Variants in SLC16A12 observed in about 807,000 individuals in gnomAD.
The protein encoded by SLC16A12 is monocarboxylate transporter 12.
SLC16A12 carries 17 observed loss-of-function variants against 42.4 expected under a neutral mutation model. The ratio of observed to expected loss-of-function variants is 0.40; its 90% confidence interval spans 0.27 to 0.60. The LOEUF (loss-of-function observed/expected upper bound fraction) is 0.60, where lower values mean the gene tolerates loss of function less well. Among genes scored for constraint, SLC16A12 ranks in the 20% least tolerant of loss-of-function variants. SLC16A12 has a pLI of 0.42. For missense variants in SLC16A12, 544 were observed against 623.0 expected, an observed-to-expected ratio of 0.87 and a Z score of 1.35; for synonymous variants, 224 against 229.4, an observed-to-expected ratio of 0.98 and a Z score of 0.21.
At chr10:89,476,024 G>C (rs1842572454) in intron 2 of SLC16A12, among the ~76,000 whole-genome samples, 1 of 152,156 alleles carries the variant, frequency 6.6e-6, no homozygotes, top group African/African-American at 2.4e-5. Flanking sequence ...TGCAGTAATA[G>C]GGTTCTGGTA....
At chr10:89,550,528 A>T (rs1843764504) in intron 2 of SLC16A12, among the ~76,000 whole-genome samples, 1 of 152,190 alleles carries the variant, frequency 6.6e-6, no homozygotes, top group Non-Finnish European at 1.5e-5. Flanking sequence ...CAAAACAAAC[A>T]AACAACAACA....
chr10:89,536,945 C>G (rs2133879969), upstream of SLC16A12, among the ~76,000 whole-genome samples: 1 of 152,242 alleles, frequency 6.6e-6, no homozygotes, highest in Non-Finnish European at 1.5e-5. Flanking sequence ...TCAAACGATT[C>G]TCCTGCCTCA....
chr10:89,499,910 C>A (rs1842970649), intron 2 of SLC16A12, among the ~76,000 whole-genome samples: 1 of 151,970 alleles, frequency 6.6e-6, no homozygotes, highest in Non-Finnish European at 1.5e-5. Flanking sequence ...CTAAGATTAA[C>A]CAAGAAAAGA....
chr10:89,512,861 A>G (rs554456668), intron 2 of SLC16A12, among the ~76,000 whole-genome samples: 4 of 152,326 alleles, frequency 2.6e-5, no homozygotes, highest in Admixed American at 2.6e-4. Context: ...GCCAACCAGG[A>G]CGTGGAATTG....
At chr10:89,511,563 C>T (rs1021168228) in intron 2 of SLC16A12, among the ~76,000 whole-genome samples, 1 of 152,014 alleles carries the variant, frequency 6.6e-6, no homozygotes, top group African/African-American at 2.4e-5. Context: ...GTGAACATCA[C>T]ACACCAGGGC....
chr10:89,468,932 C>A (rs948321153), intron 2 of SLC16A12, among the ~76,000 whole-genome samples: 13 of 152,122 alleles, frequency 8.5e-5, no homozygotes, highest in African/African-American at 3.1e-4. Context: ...GAGTTTGAGA[C>A]CAGCCTGGCC....
chr10:89,491,444 C>T (rs906640890), intron 2 of SLC16A12, among the ~76,000 whole-genome samples: 1 of 151,334 alleles, frequency 6.6e-6, no homozygotes, highest in Non-Finnish European at 1.5e-5. Flanking sequence ...AACAAGTGCG[C>T]ATACCAAGTA....
intron 2 of SLC16A12, among the ~76,000 whole-genome samples, chr10:89,527,915 T>C (rs573102845): frequency 6.6e-6 from 1 of 152,306 alleles, no homozygotes; most frequent in African/African-American, 2.4e-5. Flanking sequence ...TCACCACATT[T>C]TCTCAAAAAC....
intron 2 of SLC16A12, among the ~76,000 whole-genome samples, chr10:89,530,158 T>C (rs937946702): frequency 2.0e-5 from 3 of 152,250 alleles, no homozygotes; most frequent in African/African-American, 7.2e-5. Flanking sequence ...CCAGATTTCC[T>C]GCTTCCATTT....
intron 2 of SLC16A12, among the ~76,000 whole-genome samples, chr10:89,464,120 T>C (rs748522312): frequency 5.8e-4 from 88 of 152,334 alleles, no homozygotes; most frequent in Non-Finnish European, 1.1e-3. Flanking sequence ...CAGGGAACCA[T>C]GGGCAGCCTG....
intron 6 of SLC16A12, among the ~76,000 whole-genome samples, chr10:89,436,876 G>GA (rs765014991): frequency 4.0e-4 from 50 of 125,354 alleles, no homozygotes; most frequent in African/African-American, 1.6e-3. Flanking sequence ...GAAAAAGAAA[G>GA]AAAGAAAGAA....
chr10:89,445,654 A>C (rs1276599283), intron 3 of SLC16A12, among the ~76,000 whole-genome samples: 1 of 152,250 alleles, frequency 6.6e-6, no homozygotes, highest in African/African-American at 2.4e-5. Flanking sequence ...GGGAGAAACC[A>C]GAGCAGAAAA....
rs1399381020 is a variant in SLC16A12, at chr10:89,436,253, G to C, written c.1095C>G (p.Leu365=). The C allele has an allele frequency of 6.2e-7, 1 of 1,614,008 alleles. No homozygotes were observed. The highest frequency in any genetic ancestry group is 1.3e-5 in the African/African-American group (1 of 74,920). ...FAVGMDGLCY[L]CLPMLQSLPL... ...GGAGACTTTGAAGCATTGGGAGGCA[G>C]AGATAGCAGAGCCCATCCATTCCCA... is the stretch of plus-strand genomic sequence containing the variant. The change falls in exon 7 of 8, where the codon CTC becomes CTG. Residue 365 remains leucine (L), a synonymous_variant. Coordinates refer to ENST00000371790, the MANE Select transcript of SLC16A12 (RefSeq NM_213606.4).
chr10:89,466,081 T>A (rs559119135), intron 2 of SLC16A12, among the ~76,000 whole-genome samples: 1 of 152,200 alleles, frequency 6.6e-6, no homozygotes, highest in Non-Finnish European at 1.5e-5. Context: ...TTAAGAGTTA[T>A]ATGAATTCAA....
chr10:89,513,708 TCAGAG>T (rs1843199895), intron 2 of SLC16A12, among the ~76,000 whole-genome samples: 1 of 152,054 alleles, frequency 6.6e-6, no homozygotes, highest in Admixed American at 6.6e-5. Flanking sequence ...CACTGAGAAA[TCAGAG>T]ACCAGTAGAA....
chr10:89,554,033 GAAGAAAGAAAGAAAGAAAGAAAGAAAGA>G (rs1295802200), intron 2 of SLC16A12, among the ~76,000 whole-genome samples: 45 of 67,596 alleles, frequency 6.7e-4, no homozygotes, highest in East Asian at 4.0e-3. Context: ...AGAGAGAAAG[GAAGAAAGAAAGAAAGAAAGAAAGAAAGA>G]AAGAAAGAAA....
chr10:89,480,665 A>G (rs1842648255), intron 2 of SLC16A12, among the ~76,000 whole-genome samples: 1 of 152,190 alleles, frequency 6.6e-6, no homozygotes, highest in South Asian at 2.1e-4. Context: ...TAGTAAATAT[A>G]TAGCTTAATC....
At chr10:89,526,455 G>T (rs1366557239) in intron 2 of SLC16A12, among the ~76,000 whole-genome samples, 2 of 152,120 alleles carry the variant, frequency 1.3e-5, no homozygotes, top group African/African-American at 4.8e-5. Flanking sequence ...CTCCCCACAG[G>T]CATCAAAGTT....
intron 4 of SLC16A12, among the ~76,000 whole-genome samples, chr10:89,441,876 G>C (rs139847265): frequency 2.6e-5 from 4 of 152,296 alleles, no homozygotes; most frequent in South Asian, 2.1e-4. Context: ...TGGCCTCAAG[G>C]CTCATAGAAT....
Sources: allele counts gnomAD v4.1 joint callset (sites outside exome capture counted in the v4.1 genomes callset), GRCh38; gene constraint gnomAD v4.1.1; transcripts MANE v1.5; gene names NCBI Gene and HGNC (gene_info 2026-07-23, HGNC 2026-07-21).